The following INO80 variants were observed in gnomAD, a reference collection of about 807,000 sequenced individuals.
INO80 encodes the protein chromatin-remodeling ATPase INO80.
INO80 carries 20 observed loss-of-function variants against 203.4 expected under a neutral mutation model. The ratio of observed to expected loss-of-function variants is 0.10; its 90% confidence interval spans 0.07 to 0.14. INO80 has a LOEUF of 0.14. Among genes scored for constraint, INO80 ranks in the 10% least tolerant of loss-of-function variants. INO80 has a pLI of 1.00. For synonymous variants in INO80, 726 were observed against 685.2 expected (o/e 1.06, Z -0.93); for missense variants, 1,419 against 1,914.4 (o/e 0.74, Z 4.83).
chr15:41,065,585 T>G (rs181617680), intron 14 of INO80, among the ~76,000 whole-genome samples: 69 of 152,262 alleles, frequency 4.5e-4, no homozygotes, highest in Non-Finnish European at 2.9e-4. Flanking sequence ...ACAGGAATGT[T>G]CATAGCAGTA....
chr15:41,109,593 T>C (rs1251047112), intron 1 of INO80, among the ~76,000 whole-genome samples: 1 of 151,594 alleles, frequency 6.6e-6, no homozygotes, highest in African/African-American at 2.4e-5. Context: ...GGTCAGGAGT[T>C]CGAGATCAGC....
chr15:41,013,840 T>C (rs375062266), intron 27 of INO80, among the ~76,000 whole-genome samples: 1 of 152,232 alleles, frequency 6.6e-6, no homozygotes, highest in Non-Finnish European at 1.5e-5. Context: ...ATGTCAGCAG[T>C]TGTGAAATTC....
intron 1 of INO80, among the ~76,000 whole-genome samples, chr15:41,097,197 C>T (rs1186633049): frequency 6.6e-6 from 1 of 152,130 alleles, no homozygotes; most frequent in Non-Finnish European, 1.5e-5. Flanking sequence ...AGGCGCCCAC[C>T]ACCACGCCCA....
chr15:41,048,139 GTC>G, intron 22 of INO80, 71 bp downstream of exon 22: 1 of 1,126,658 alleles, frequency 8.9e-7, no homozygotes. Flanking sequence ...TTCTAAATCA[GTC>G]TCTCAGCAAA....
At chr15:41,079,588 A>AG in intron 9 of INO80, 113 bp downstream of exon 9, 2 of 1,040,690 alleles carry the variant, frequency 1.9e-6, no homozygotes, top group East Asian at 4.8e-5. Context: ...AAAAAAAAAA[A>AG]AACAAAAAAT....
In INO80 at chr15:41,048,681, T is replaced by C. The variant is rs1275499862; in HGVS notation, c.2577-405A>G. On this transcript the variant is annotated intron_variant, in intron 21 of 35. Transcript: ENST00000648947. ...AATTTCAGTTTCATTAAACTAAATA[T>C]TGGTGATGAGTTTCTCTATAAAACA... Among the ~76,000 whole-genome samples the C allele has an allele frequency of 2.0e-5, 3 of 152,208 alleles. No homozygotes were observed. In the East Asian group the frequency reaches 5.8e-4, roughly 29 times the overall value.
chr15:41,039,663 A>C (rs902944819), intron 24 of INO80, among the ~76,000 whole-genome samples: 1 of 152,232 alleles, frequency 6.6e-6, no homozygotes, highest in African/African-American at 2.4e-5. Context: ...CACAGTCTAC[A>C]CTGGAGATTC....
chr15:41,115,984 T>C lies in INO80; in HGVS notation c.-55A>G. On this transcript the variant is annotated 5_prime_UTR_variant, in exon 1 of 36. Transcript: ENST00000648947. ...TCTAGTTGCCTCACCTCGGGCCGCCTGGCCCCGCCGCCGCGACGGCGGCGG... is the reference window on the plus strand; with the variant it reads ...TCTAGTTGCCTCACCTCGGGCCGCCCGGCCCCGCCGCCGCGACGGCGGCGG... 2.7e-6 allele frequency: 1 copy of C among 370,718 alleles called. No individual in the cohort carries two copies. The highest frequency in any genetic ancestry group is 4.8e-6 in the Non-Finnish European group (1 of 208,986). 23.0% of individuals were successfully genotyped at this position (370,718 alleles called of 1,614,324 possible).
At chr15:41,037,378 CAT>C (rs1291876988) in intron 24 of INO80, among the ~76,000 whole-genome samples, 10 of 151,740 alleles carry the variant, frequency 6.6e-5, no homozygotes, top group Non-Finnish European at 1.5e-4. Flanking sequence ...CGTGTTGGCA[CAT>C]GTCTGCAGTC....
At chr15:41,071,814 A>G in intron 12 of INO80, 35 bp downstream of exon 12, 2 of 1,518,384 alleles carry the variant, frequency 1.3e-6, no homozygotes, top group African/African-American at 1.4e-5. Flanking sequence ...AGGAAAAGAG[A>G]TAATAGAAGA....
Position 41,067,859 on chromosome 15 carries a change from A to T in INO80, c.1782+1711T>A, listed in dbSNP as rs142919593. On this transcript the variant is annotated intron_variant, in intron 14 of 35. Coordinates refer to ENST00000648947, the MANE Select transcript of INO80 (RefSeq NM_017553.3). ...ACTTCATTATCATATTCCTTTAGGG[A>T]CAGAACACATATTTAACTCATTTTC... Among the ~76,000 whole-genome samples the T allele has an allele frequency of 6.3e-4, 96 of 152,310 alleles. 2 individuals are homozygous for T. The highest frequency in any genetic ancestry group is 2.3e-3 in the African/African-American group (95 of 41,564).
rs181969443 is a variant in INO80 at position 41,103,298 on chromosome 15, C to T, written c.-43-6945G>A. Among the ~76,000 whole-genome samples, 373 of 152,312 alleles carry T rather than the reference C, an allele frequency of 2.4e-3. 1 individual carries two copies. Among genetic ancestry groups the T allele is most frequent in the Middle Eastern group, 0.01 (3 of 294 alleles). On this transcript the variant is annotated intron_variant, in intron 1 of 35. Coordinates refer to ENST00000648947, the MANE Select transcript of INO80 (RefSeq NM_017553.3). ...GCTTCTTAGCCTCACACCTAGACTACTGCTTCCTAATTGACTTTCCCACCT... is the reference window on the plus strand; with the variant it reads ...GCTTCTTAGCCTCACACCTAGACTATTGCTTCCTAATTGACTTTCCCACCT...
chr15:41,083,861 G>C (rs558075660), intron 7 of INO80, among the ~76,000 whole-genome samples: 1 of 152,070 alleles, frequency 6.6e-6, no homozygotes, highest in African/African-American at 2.4e-5. Context: ...TAATTTGTAA[G>C]TCCACCAGCT....
At chr15:41,114,854 T>TA (rs1341506392) in intron 1 of INO80, among the ~76,000 whole-genome samples, 4 of 152,130 alleles carry the variant, frequency 2.6e-5, no homozygotes, top group Non-Finnish European at 5.9e-5. Flanking sequence ...AATATATTAA[T>TA]AGTTACCTAA....
chr15:41,109,614 T>C (rs1198672204), intron 1 of INO80, among the ~76,000 whole-genome samples: 3 of 151,588 alleles, frequency 2.0e-5, no homozygotes, highest in African/African-American at 7.3e-5. Context: ...CTGGCTAACA[T>C]GGTGAAACCC....
At position 40,980,054 on chromosome 15, in the gene INO80, CAG is replaced by C; in HGVS notation, c.*167_*168del. On this transcript the variant is annotated 3_prime_UTR_variant, in exon 36 of 36. Transcript: ENST00000648947. ...CACCCCAGATGCTCCTGATGAGACA[CAG>C]ATGATAAAAGTGCTCACACCATCCA... 1.6e-6 allele frequency: 1 copy of C among 632,700 alleles called. No individual in the cohort carries two copies. The highest frequency in any genetic ancestry group is 2.7e-5 in the East Asian group (1 of 36,698). 39.2% of individuals were successfully genotyped at this position (632,700 alleles called of 1,614,324 possible).
At chr15:41,086,602 G>A (rs544322871) in intron 6 of INO80, among the ~76,000 whole-genome samples, 2 of 149,792 alleles carry the variant, frequency 1.3e-5, no homozygotes, top group East Asian at 3.9e-4. Flanking sequence ...AGTGAGCTGA[G>A]ATCACGCCAC....
In INO80 at chr15:41,045,025, A is replaced by C. The variant is rs757358042; in HGVS notation, c.2786T>G (p.Leu929Arg). The C allele has an allele frequency of 3.7e-6, 6 of 1,613,134 alleles. No homozygotes were observed. In the African/African-American group the frequency reaches 6.7e-5, roughly 18 times the overall value. The part of the protein sequence containing the change: ...SLKASYRLHQ[L>R]RSWGAPEGES... ...CCCTTCTGGCGCTCCCCAGGAGCGTAGCTGATGGAGCCTGTAGGAGGCTTT... is the reference window on the plus strand; with the variant it reads ...CCCTTCTGGCGCTCCCCAGGAGCGTCGCTGATGGAGCCTGTAGGAGGCTTT... Residue 929 changes from leucine to arginine, a missense_variant, in exon 24 of 36, where the codon CTA becomes CGA. Physicochemically the swap from Leu to Arg is moderately radical, Grantham distance 102 (BLOSUM62 -2). Around this residue, in one of 9 missense-constraint regions of INO80, gnomAD observed 302 missense variants for 345.4 expected, o/e 0.87. Transcript: ENST00000648947.
intron 24 of INO80, among the ~76,000 whole-genome samples, chr15:41,036,893 G>C (rs189450148): frequency 6.6e-6 from 1 of 152,266 alleles, no homozygotes; most frequent in East Asian, 1.9e-4. Flanking sequence ...TTGAGATCAG[G>C]AGTTTGAGAT....
Sources: gnomAD v4.1 joint callset for allele counts (sites outside exome capture counted in the v4.1 genomes callset) on GRCh38, gnomAD v4.1.1 for gene constraint, gnomAD v4.1.1 regional missense constraint, MANE v1.5 for transcripts, NCBI Gene and HGNC (gene_info 2026-07-23, HGNC 2026-07-21) for gene names.